The following DHRSX variants were observed in gnomAD, a reference collection of about 807,000 sequenced individuals.
DHRSX encodes the protein polyprenol dehydrogenase.
In DHRSX, 31 loss-of-function variants were observed where a neutral mutation model predicts 34.0. That is an observed-to-expected ratio of 0.91 (90% CI 0.69 to 1.23). The LOEUF (loss-of-function observed/expected upper bound fraction) is 1.23, where lower values mean the gene tolerates loss of function less well. DHRSX is among the 50% of genes most tolerant of loss of function. DHRSX has a pLI of 0.00. For missense variants in DHRSX, 414 were observed against 428.1 expected (o/e 0.97, Z 0.29); for synonymous variants, 201 against 183.8 (o/e 1.09, Z -0.76).
intron 6 of DHRSX, among the ~76,000 whole-genome samples, chrX:2,223,945 T>C (rs1402453735): frequency 1.3e-5 from 2 of 152,160 alleles, no homozygotes; most frequent in African/African-American, 4.8e-5. Context: ...CTGGACAAAG[T>C]GATCAGAGAG....
At chrX:2,221,278 G>GA (rs1426512855) in intron 6 of DHRSX, 49 bp from the exon 7 acceptor site, 1 of 1,578,458 alleles carries the variant, frequency 6.3e-7, no homozygotes, top group Non-Finnish European at 8.6e-7. Flanking sequence ...TTCTGAGCAG[G>GA]AAACAGGAGT....
intron 1 of DHRSX, among the ~76,000 whole-genome samples, chrX:2,462,205 AAGT>A (rs2044411989): frequency 6.6e-6 from 1 of 151,906 alleles, no homozygotes; most frequent in African/African-American, 2.4e-5. Context: ...AAAAAGAAAA[AAGT>A]AGCAAGAAAA....
At chrX:2,445,026 G>A (rs969395944) in intron 1 of DHRSX, among the ~76,000 whole-genome samples, 7 of 151,802 alleles carry the variant, frequency 4.6e-5, no homozygotes, top group Non-Finnish European at 5.9e-5. Context: ...GCCTGGTGGC[G>A]GACACCGGTA....
chrX:2,446,784 AC>A (rs2044143540), intron 1 of DHRSX, among the ~76,000 whole-genome samples: 1 of 151,816 alleles, frequency 6.6e-6, no homozygotes, highest in African/African-American at 2.4e-5. Context: ...TGGACAAGGG[AC>A]TGCCACTGTG....
intron 3 of DHRSX, among the ~76,000 whole-genome samples, chrX:2,345,596 A>G (rs35032916): frequency 0.76 from 112,589 of 148,708 alleles, 43,509 homozygotes; most frequent in African/African-American, 0.81. Context: ...GCATTGAGCC[A>G]AGATCGCACC....
chrX:2,464,733 G>A (rs1388938535), intron 1 of DHRSX, among the ~76,000 whole-genome samples: 4 of 151,636 alleles, frequency 2.6e-5, no homozygotes, highest in African/African-American at 9.7e-5. Context: ...ATGTGGCCAA[G>A]GGACCGCCAC....
chrX:2,302,612 A>AAATAAATAAATAAAT (rs1569485581), intron 3 of DHRSX, among the ~76,000 whole-genome samples: 51 of 149,982 alleles, frequency 3.4e-4, no homozygotes, highest in African/African-American at 1.2e-3. Context: ...ACTGTCTCAA[A>AAATAAATAAATAAAT]AAATAAATAA....
chrX:2,425,651 A>G (rs115903277), intron 1 of DHRSX, among the ~76,000 whole-genome samples: 3,000 of 152,286 alleles, frequency 0.02, 96 homozygotes, highest in African/African-American at 0.068. Context: ...CTCTGCTCTC[A>G]GGGCAGCACT....
chrX:2,325,811 C>T (rs374656266), intron 3 of DHRSX, among the ~76,000 whole-genome samples: 1 of 151,774 alleles, frequency 6.6e-6, no homozygotes, highest in African/African-American at 2.4e-5. Flanking sequence ...TGGTCCTTTC[C>T]GCTCGGAGAC....
chrX:2,321,947 T>A (rs781038186), intron 3 of DHRSX, among the ~76,000 whole-genome samples: 424 of 152,294 alleles, frequency 2.8e-3, no homozygotes, highest in African/African-American at 9.4e-3. Context: ...CTATGATTTT[T>A]AAAAATTTAG....
chrX:2,484,875 C>G (rs2044844405), intron 1 of DHRSX, among the ~76,000 whole-genome samples: 1 of 134,542 alleles, frequency 7.4e-6, no homozygotes, highest in African/African-American at 2.8e-5. Flanking sequence ...CACTCACGAG[C>G]AAATGAACGT....
chrX:2,348,499 TAGAA>T (rs2042747308), intron 3 of DHRSX, among the ~76,000 whole-genome samples: 2 of 151,970 alleles, frequency 1.3e-5, no homozygotes, highest in Admixed American at 1.3e-4. Context: ...GAAAAGTAGA[TAGAA>T]AGGCTCAAAA....
chrX:2,348,031 C>A (rs753260240), intron 3 of DHRSX, among the ~76,000 whole-genome samples: 92 of 152,274 alleles, frequency 6.0e-4, no homozygotes, highest in Non-Finnish European at 1.1e-3. Flanking sequence ...GAAATTGCTG[C>A]CCACTCCTCA....
chrX:2,359,150 C>T (rs1284442523), intron 3 of DHRSX, among the ~76,000 whole-genome samples: 6 of 152,080 alleles, frequency 3.9e-5, no homozygotes, highest in South Asian at 2.1e-4. Context: ...ACACTGTTGG[C>T]GGGAGTGTAA....
At chrX:2,373,057 G>C (rs1277969996) in intron 3 of DHRSX, among the ~76,000 whole-genome samples, 1 of 152,182 alleles carries the variant, frequency 6.6e-6, no homozygotes, top group African/African-American at 2.4e-5. Context: ...CCACGGGGTT[G>C]GGGAGGCCTC....
At chrX:2,418,300 G>A (rs763400551) in intron 2 of DHRSX, among the ~76,000 whole-genome samples, 1 of 151,790 alleles carries the variant, frequency 6.6e-6, no homozygotes, top group East Asian at 2.0e-4. Context: ...ATAACCAAAG[G>A]AGACGTTATC....
intron 1 of DHRSX, chrX:2,490,798 C>T: frequency 4.5e-6 from 7 of 1,542,730 alleles, no homozygotes; most frequent in Non-Finnish European, 6.1e-6. Context: ...ACAAACACAG[C>T]ATGAGAAGGG....
intron 4 of DHRSX, among the ~76,000 whole-genome samples, chrX:2,286,488 G>A (rs1009131187): frequency 4.6e-5 from 7 of 152,148 alleles, no homozygotes; most frequent in African/African-American, 1.7e-4. Context: ...TGGGTACCTC[G>A]GGAGGCCCCT....
At chrX:2,410,770 T>C (rs1306764833) in intron 2 of DHRSX, among the ~76,000 whole-genome samples, 1 of 152,192 alleles carries the variant, frequency 6.6e-6, no homozygotes, top group Non-Finnish European at 1.5e-5. Flanking sequence ...AAGTTGGAAA[T>C]GTTTTTGGCT....
Sources: allele counts gnomAD v4.1 joint callset (sites outside exome capture counted in the v4.1 genomes callset), GRCh38; gene constraint gnomAD v4.1.1; transcripts MANE v1.5; gene names NCBI Gene and HGNC (gene_info 2026-07-23, HGNC 2026-07-21).